Variants in CRY1 observed in about 807,000 individuals in gnomAD.
CRY1 encodes the protein cryptochrome-1.
CRY1 carries 45 observed loss-of-function variants against 76.0 expected under a neutral mutation model. The ratio of observed to expected loss-of-function variants is 0.59; its 90% CI spans 0.47 to 0.76. CRY1 has a LOEUF of 0.76. CRY1 is among the 30% of genes least tolerant of loss of function. CRY1 has a pLI of 0.00. For missense variants in CRY1, 587 were observed against 716.4 expected, an observed-to-expected ratio of 0.82 and a Z score of 2.06; for synonymous variants, 248 against 244.0, an observed-to-expected ratio of 1.02 and a Z score of -0.15.
chr12:107,046,525 C>T (rs59790130), intron 1 of CRY1, among the ~76,000 whole-genome samples: 18,832 of 151,996 alleles, frequency 0.12, 1,964 homozygotes, highest in African/African-American at 0.27. Flanking sequence ...GGAATAAGAC[C>T]TCACCAATCA....
chr12:107,059,844 T>C (rs1022247681), intron 1 of CRY1, among the ~76,000 whole-genome samples: 4 of 152,210 alleles, frequency 2.6e-5, no homozygotes, highest in Admixed American at 1.3e-4. Flanking sequence ...GCAGGTGAAA[T>C]GAACAAGACC....
At chr12:107,065,750 T>C (rs1015680373) in intron 1 of CRY1, among the ~76,000 whole-genome samples, 27 of 152,170 alleles carry the variant, frequency 1.8e-4, no homozygotes, top group African/African-American at 4.8e-4. Context: ...GATAAGGAAA[T>C]TGGACGTTGC....
intron 2 of CRY1, among the ~76,000 whole-genome samples, chr12:107,014,971 G>A (rs1952484040): frequency 6.6e-6 from 1 of 152,050 alleles, no homozygotes; most frequent in Non-Finnish European, 1.5e-5. Flanking sequence ...TCCGCCTCCT[G>A]GGTTCAAGTG....
rs541033208 is a variant in CRY1, at chr12:107,028,846, G to A, written c.159-6654C>T. On this transcript the variant is annotated intron_variant, in intron 1 of 12. Coordinates refer to ENST00000008527, the MANE Select transcript of CRY1 (RefSeq NM_004075.5). ...TTTTCTGAAATATTGACCAAGACAGGAAAGTTCAGAAAAAAAAGCAAAGTA... is the reference window on the plus strand; with the variant it reads ...TTTTCTGAAATATTGACCAAGACAGAAAAGTTCAGAAAAAAAAGCAAAGTA... 3.3e-5 allele frequency among the ~76,000 whole-genome samples: 5 copies of A among 152,100 alleles called. No homozygotes were observed. In the South Asian group the frequency reaches 1.0e-3, roughly 32 times the overall value.
At chr12:107,039,461 C>T (rs1366995049) in intron 1 of CRY1, among the ~76,000 whole-genome samples, 1 of 152,128 alleles carries the variant, frequency 6.6e-6, no homozygotes, top group Non-Finnish European at 1.5e-5. Context: ...ATGTAAGGAA[C>T]TCCTGCAACT....
chr12:107,078,286 C>T lies in CRY1; in HGVS notation c.158+14518G>A, dbSNP rs142161148. 4.3e-3 allele frequency among the ~76,000 whole-genome samples: 658 copies of T among 152,178 alleles called. 2 individuals carry two copies. The highest frequency in any genetic ancestry group is 0.015 in the African/African-American group (632 of 41,512). ...AACTCCTGGAGGGTCCTCTAAACAA[C>T]ATCTAGCATTCTAGATATGCAATAA... On this transcript the variant is annotated intron_variant, in intron 1 of 12. Transcript: ENST00000008527.
intron 1 of CRY1, among the ~76,000 whole-genome samples, chr12:107,080,772 T>C (rs1953313024): frequency 6.6e-6 from 1 of 152,076 alleles, no homozygotes; most frequent in Middle Eastern, 3.4e-3. Flanking sequence ...TTAGTTTGGA[T>C]TGGGTTCAAG....
At chr12:107,028,724 A>T (rs532454332) in intron 1 of CRY1, among the ~76,000 whole-genome samples, 146 of 152,326 alleles carry the variant, frequency 9.6e-4, no homozygotes, top group Non-Finnish European at 1.5e-3. Flanking sequence ...ATACAGAATC[A>T]TTTAAAATTT....
chr12:107,086,875 C>G (rs1174976277), intron 1 of CRY1, among the ~76,000 whole-genome samples: 1 of 152,150 alleles, frequency 6.6e-6, no homozygotes, highest in Non-Finnish European at 1.5e-5. Context: ...CACTGTAGAG[C>G]AGCGGGAACA....
intron 1 of CRY1, among the ~76,000 whole-genome samples, chr12:107,045,181 C>T (rs1334904712): frequency 2.0e-5 from 3 of 151,996 alleles, no homozygotes; most frequent in African/African-American, 4.8e-5. Flanking sequence ...GCAGATTTCT[C>T]TGAAGAAAGC....
At position 107,001,309 on chromosome 12, in the gene CRY1, T is replaced by C; in HGVS notation, c.655A>G (p.Thr219Ala). The change falls in exon 5 of 13, where the codon ACT becomes GCT. Residue 219 changes from threonine to alanine, a missense_variant. Physicochemically the swap from Thr to Ala is moderately conservative, Grantham distance 58 (BLOSUM62 0). Coordinates refer to ENST00000008527, the MANE Select transcript of CRY1 (RefSeq NM_004075.5). Reference protein sequence around the residue: ...VWPGGETEALTRLERHLERKA... With the variant: ...VWPGGETEALARLERHLERKA... Reference sequence around the variant, plus strand: ...CTTTCCAAATGCCTTTCCAAACGAGTAAGTGCTTCAGTTTCTCCACCTGGC... The same window carrying C: ...CTTTCCAAATGCCTTTCCAAACGAGCAAGTGCTTCAGTTTCTCCACCTGGC... 6 of 1,613,566 alleles carry C rather than the reference T, an allele frequency of 3.7e-6. No individual in the cohort carries two copies. Among genetic ancestry groups the C allele is most frequent in the Non-Finnish European group, 5.1e-6 (6 of 1,179,718 alleles).
At position 107,022,033 on chromosome 12, in the gene CRY1, T is replaced by C. The variant is rs562154286; in HGVS notation, c.267+51A>G. ...GTCAAAAAACTTTATTTACCAAATA[T>C]GTAATATTATCTGAGAAAAGATTGT... On this transcript the variant is annotated intron_variant, in intron 2 of 12. Coordinates refer to ENST00000008527, the MANE Select transcript of CRY1 (RefSeq NM_004075.5). 1.7e-4 allele frequency: 224 copies of C among 1,314,912 alleles called. 1 individual carries two copies. The South Asian group carries it at 2.6e-3, about 15-fold the overall frequency. The allele number at this position is 1,314,912 out of a possible 1,614,324, so 81.5% of individuals were successfully genotyped here. A position where few individuals can be genotyped will look rare whatever the true frequency, so the allele number is the denominator to read the frequency against.
chr12:107,043,942 C>A (rs963271315), intron 1 of CRY1, among the ~76,000 whole-genome samples: 2 of 152,128 alleles, frequency 1.3e-5, no homozygotes, highest in African/African-American at 4.8e-5. Flanking sequence ...CCAAAGTACC[C>A]CTTACTCCAT....
chr12:107,065,121 C>T (rs1225318498), intron 1 of CRY1, among the ~76,000 whole-genome samples: 2 of 151,988 alleles, frequency 1.3e-5, no homozygotes. Flanking sequence ...AATGGTGAAA[C>T]CCCATCTCTA....
chr12:107,060,104 C>A (rs1953029521), intron 1 of CRY1, among the ~76,000 whole-genome samples: 2 of 152,156 alleles, frequency 1.3e-5, no homozygotes, highest in Non-Finnish European at 2.9e-5. Flanking sequence ...ATACATTTTA[C>A]TGAGTATAAT....
intron 1 of CRY1, among the ~76,000 whole-genome samples, chr12:107,041,944 G>A (rs1952804212): frequency 6.6e-6 from 1 of 152,164 alleles, no homozygotes; most frequent in Admixed American, 6.5e-5. Context: ...AAGGAAAACA[G>A]AAGATGAACT....
chr12:107,034,246 T>C (rs1167980462), intron 1 of CRY1, among the ~76,000 whole-genome samples: 1 of 152,096 alleles, frequency 6.6e-6, no homozygotes, highest in Non-Finnish European at 1.5e-5. Flanking sequence ...CCCCCACTAA[T>C]GCCATGACAG....
intron 1 of CRY1, among the ~76,000 whole-genome samples, chr12:107,023,164 A>G (rs1010928983): frequency 6.6e-6 from 1 of 152,166 alleles, no homozygotes; most frequent in Non-Finnish European, 1.5e-5. Context: ...CTCAAGGTTA[A>G]GTATTTGTCT....
intron 1 of CRY1, among the ~76,000 whole-genome samples, chr12:107,053,504 GA>G: frequency 6.6e-6 from 1 of 152,288 alleles, no homozygotes; most frequent in East Asian, 1.9e-4. Context: ...TTTTAGTAGA[GA>G]GGGGGTTTCT....
Sources: allele counts gnomAD v4.1 joint callset (sites outside exome capture counted in the v4.1 genomes callset), GRCh38; gene constraint gnomAD v4.1.1; transcripts MANE v1.5; gene names NCBI Gene and HGNC (gene_info 2026-07-23, HGNC 2026-07-21).